TMEM132B: variants seen among roughly 807,000 people sequenced by gnomAD.
TMEM132B encodes transmembrane protein 132B.
In TMEM132B, 18 loss-of-function variants were observed where a neutral mutation model predicts 90.8. The ratio of observed to expected loss-of-function variants is 0.20; its 90% CI spans 0.14 to 0.29. The LOEUF (loss-of-function observed/expected upper bound fraction) is 0.29. Among genes scored for constraint, TMEM132B ranks in the 10% least tolerant of loss-of-function variants. The pLI is 1.00. For missense variants in TMEM132B, 1,096 were observed against 1,326.8 expected, an observed-to-expected ratio of 0.83 and a Z score of 2.70; for synonymous variants, 504 against 523.3, an observed-to-expected ratio of 0.96 and a Z score of 0.50.
At chr12:125,625,950 C>T (rs1310134614) in intron 5 of TMEM132B, among the ~76,000 whole-genome samples, 1 of 152,150 alleles carries the variant, frequency 6.6e-6, no homozygotes, top group East Asian at 1.9e-4. Context: ...TGTAAATCCT[C>T]TTCCCTAATG....
chr12:125,344,080 C>T (rs535452697), intron 1 of TMEM132B, among the ~76,000 whole-genome samples: 2 of 152,084 alleles, frequency 1.3e-5, no homozygotes, highest in Non-Finnish European at 2.9e-5. Flanking sequence ...CATCAAAGCC[C>T]CTTCTCTCAT....
chr12:125,236,284 T>A (rs376784410), intron 1 of TMEM132B, among the ~76,000 whole-genome samples: 42 of 152,222 alleles, frequency 2.8e-4, no homozygotes, highest in African/African-American at 9.9e-4. Flanking sequence ...TAGCTGGGAT[T>A]ACAGGTGCAT....
chr12:125,195,308 A>G (rs1443118851), intron 1 of TMEM132B, among the ~76,000 whole-genome samples: 2 of 151,342 alleles, frequency 1.3e-5, no homozygotes, highest in Non-Finnish European at 2.9e-5. Flanking sequence ...AAATAACTAA[A>G]CACACCGTTC....
intron 2 of TMEM132B, among the ~76,000 whole-genome samples, chr12:125,355,738 C>G (rs938007958): frequency 1.3e-5 from 2 of 152,102 alleles, no homozygotes; most frequent in Admixed American, 1.3e-4. Context: ...GGTGAGGACC[C>G]AGATCAAAGC....
chr12:125,305,997 G>A (rs1212881556), intron 1 of TMEM132B, among the ~76,000 whole-genome samples: 1 of 152,236 alleles, frequency 6.6e-6, no homozygotes, highest in African/African-American at 2.4e-5. Context: ...TACAGCTGTT[G>A]TCTAAGTGGA....
chr12:125,274,917 G>T (rs1352428224), intron 1 of TMEM132B, among the ~76,000 whole-genome samples: 2 of 152,060 alleles, frequency 1.3e-5, no homozygotes, highest in Non-Finnish European at 2.9e-5. Flanking sequence ...AGTGAGATCA[G>T]ACCCTGTCTC....
intron 3 of TMEM132B, among the ~76,000 whole-genome samples, chr12:125,439,730 A>G (rs1357002732): frequency 1.3e-5 from 2 of 152,124 alleles, no homozygotes; most frequent in Non-Finnish European, 1.5e-5. Context: ...GAAAGAGTGC[A>G]TCCTTGTCTT....
chr12:125,607,092 G>A lies in TMEM132B; in HGVS notation c.1437+23098G>A, dbSNP rs77167640. 7.7e-3 allele frequency among the ~76,000 whole-genome samples: 1,167 copies of A among 152,264 alleles called. 14 individuals are homozygous for A. The highest frequency in any genetic ancestry group is 0.026 in the African/African-American group (1,066 of 41,540). ...TGCAGGGTGAGCTCCGGTACAGCCT[G>A]CGTATGCTCTGATTCTGTCCATAGA... On this transcript the variant is annotated intron_variant, in intron 5 of 8. Coordinates refer to ENST00000682704, the MANE Select transcript of TMEM132B (RefSeq NM_001366854.1).
chr12:125,285,433 G>A (rs1875322700), intron 1 of TMEM132B, among the ~76,000 whole-genome samples: 1 of 152,226 alleles, frequency 6.6e-6, no homozygotes, highest in Admixed American at 6.5e-5. Flanking sequence ...TCAGCGTCTA[G>A]GCCCCAGTGA....
chr12:125,484,136 G>A (rs764324647), intron 3 of TMEM132B, among the ~76,000 whole-genome samples: 8 of 152,174 alleles, frequency 5.3e-5, no homozygotes, highest in Non-Finnish European at 1.0e-4. Flanking sequence ...CTGGCCTCAA[G>A]TGATCTGCCT....
intron 4 of TMEM132B, among the ~76,000 whole-genome samples, chr12:125,579,354 T>C (rs1441451632): frequency 1.3e-5 from 2 of 149,904 alleles, no homozygotes; most frequent in East Asian, 2.1e-4. Context: ...GACAGCTTTC[T>C]CATACTTGCT....
At chr12:125,432,383 A>ATATGTATGTATGTG (rs1555248775) in intron 3 of TMEM132B, among the ~76,000 whole-genome samples, 1 of 80,872 alleles carries the variant, frequency 1.2e-5, no homozygotes, top group Non-Finnish European at 2.3e-5. Context: ...ATATATATAT[A>ATATGTATGTATGTG]TATATATATA....
Position 125,380,770 on chromosome 12 carries a change from C to A in TMEM132B, c.959+30427C>A, listed in dbSNP as rs116847912. On this transcript the variant is annotated intron_variant, in intron 2 of 8. Coordinates refer to ENST00000682704, the MANE Select transcript of TMEM132B (RefSeq NM_001366854.1). Reference sequence around the variant, plus strand: ...ACGCAGCCCTCCCACCCATGGTGTCCATGGTAGCAGCCACATTTCTCCTGC... The same window carrying A: ...ACGCAGCCCTCCCACCCATGGTGTCAATGGTAGCAGCCACATTTCTCCTGC... Among the ~76,000 whole-genome samples the A allele has an allele frequency of 3.1e-3, 473 of 152,284 alleles. 1 individual carries two copies. Among genetic ancestry groups the A allele is most frequent in the Middle Eastern group, 0.01 (3 of 294 alleles).
chr12:125,499,505 G>A (rs183819455), intron 3 of TMEM132B, among the ~76,000 whole-genome samples: 17 of 152,316 alleles, frequency 1.1e-4, no homozygotes, highest in Non-Finnish European at 2.2e-4. Context: ...TGCAGTCAGG[G>A]AGGTTTCACA....
chr12:125,475,461 G>C (rs1881850984), intron 3 of TMEM132B, among the ~76,000 whole-genome samples: 1 of 152,112 alleles, frequency 6.6e-6, no homozygotes, highest in Non-Finnish European at 1.5e-5. Context: ...ATTAACATTT[G>C]AGTCAGTGGG....
intron 5 of TMEM132B, among the ~76,000 whole-genome samples, chr12:125,598,327 C>T (rs1222321077): frequency 1.3e-5 from 2 of 152,272 alleles, no homozygotes; most frequent in African/African-American, 2.4e-5. Flanking sequence ...GACACGTGTT[C>T]ATTGAACATG....
rs1879557424 is a variant in TMEM132B, at chr12:125,408,086, G to A, written c.960-7445G>A. ...GTGCAGGCTTTCACCTCGGAGATCT[G>A]TGTGCCTGCTTCTGACTTTCCACGA... On this transcript the variant is annotated intron_variant, in intron 2 of 8. Transcript: ENST00000682704. This position sits in a 1 kb window ranked among gnomAD's most constrained non-coding sequence, Gnocchi z 5.9. 6.6e-6 allele frequency among the ~76,000 whole-genome samples: 1 copy of A among 152,186 alleles called. No individual in the cohort carries two copies. Among genetic ancestry groups the A allele is most frequent in the Non-Finnish European group, 1.5e-5 (1 of 68,030 alleles).
At chr12:125,323,409 C>T (rs1488661602) in intron 1 of TMEM132B, among the ~76,000 whole-genome samples, 1 of 151,544 alleles carries the variant, frequency 6.6e-6, no homozygotes, top group Non-Finnish European at 1.5e-5. Context: ...GCCCTCCAAC[C>T]TGGGCAACAA....
chr12:125,451,159 T>C (rs559559805), intron 3 of TMEM132B, among the ~76,000 whole-genome samples: 36 of 152,276 alleles, frequency 2.4e-4, no homozygotes, highest in African/African-American at 8.4e-4. Flanking sequence ...CATTATTAGG[T>C]CAATTGATAA....
Sources: gnomAD v4.1 joint callset for allele counts (sites outside exome capture counted in the v4.1 genomes callset) on GRCh38, gnomAD v4.1.1 for gene constraint, Gnocchi (gnomAD v3.1) non-coding constraint, MANE v1.5 for transcripts, NCBI Gene and HGNC (gene_info 2026-07-23, HGNC 2026-07-21) for gene names.